Variants in TRIM71 observed in about 807,000 individuals in gnomAD.
The protein encoded by TRIM71 is E3 ubiquitin-protein ligase TRIM71.
TRIM71 carries 9 observed loss-of-function variants against 61.2 expected under a neutral mutation model. That is an observed-to-expected ratio of 0.15 (90% confidence interval 0.09 to 0.26). TRIM71 has a LOEUF of 0.26. TRIM71 is among the 10% of genes least tolerant of loss of function. The probability of loss-of-function intolerance (pLI) is 1.00; values close to 1 mark genes in which losing one functional copy is unlikely to be tolerated. For missense variants in TRIM71, 998 were observed against 1,238.7 expected (o/e 0.81, Z 2.92); for synonymous variants, 645 against 553.2 (o/e 1.17, Z -2.33).
intron 1 of TRIM71, among the ~76,000 whole-genome samples, chr3:32,863,195 CTTTTTTTTTTTTTTTTT>C (rs11348995): frequency 1.9e-5 from 1 of 53,716 alleles, no homozygotes; most frequent in South Asian, 1.2e-3. Flanking sequence ...TTAATTGAAC[CTTTTTTTTTTTTTTTTT>C]TTTTTTTTTG....
rs1406624949 is a variant in TRIM71, at chr3:32,818,784, A to G, written c.704A>G (p.Asp235Gly). ...RAHQRVRLTK[D>G]HYIERGPPGP... ...CACCAGCGCGTGCGCCTCACCAAGG[A>G]CCACTACATCGAGCGCGGCCCGCCG... Residue 235 changes from aspartate to glycine, a missense_variant, in exon 1 of 4, where the codon GAC becomes GGC. Asp to Gly is a moderately conservative substitution (Grantham distance 94). This residue lies in a region of TRIM71 where 527 missense variants were observed against 427.8 expected (regional missense o/e 1.23). Coordinates refer to ENST00000383763, the MANE Select transcript of TRIM71 (RefSeq NM_001039111.3). The G allele has an allele frequency of 6.2e-7, 1 of 1,608,234 alleles. No homozygotes were observed. Among genetic ancestry groups the G allele is most frequent in the Non-Finnish European group, 8.5e-7 (1 of 1,178,310 alleles).
chr3:32,891,805 C>T lies in TRIM71; in HGVS notation c.2601C>T (p.Val867=), dbSNP rs1481569526. The part of the protein sequence containing the change: ...VVDFGNNRIL[V]F ...ACTTTGGCAACAATCGAATCCTCGT[C>T]TTCTAATTGCATTTCCTAGGTTTCT... Residue 867 remains valine, a synonymous_variant, in exon 4 of 4, where the codon GTC becomes GTT. Transcript: ENST00000383763. This position sits in a 1 kb window ranked among gnomAD's most constrained non-coding sequence, Gnocchi z 8.2. 1.9e-6 allele frequency: 3 copies of T among 1,613,598 alleles called. No homozygotes were observed. In the Admixed American group the frequency reaches 5.0e-5, roughly 27 times the overall value.
At chr3:32,885,378 A>G (rs541698174) in intron 2 of TRIM71, among the ~76,000 whole-genome samples, 1 of 152,274 alleles carries the variant, frequency 6.6e-6, no homozygotes, top group South Asian at 2.1e-4. Flanking sequence ...ACCACGGGGC[A>G]CAGCTCCTTA....
chr3:32,819,482 T>A (rs1411742966), intron 1 of TRIM71, among the ~76,000 whole-genome samples: 3 of 152,168 alleles, frequency 2.0e-5, no homozygotes, highest in African/African-American at 7.2e-5. Context: ...AAGACTGGTT[T>A]TTTTGTTGTT....
At position 32,895,477 on chromosome 3, in the gene TRIM71, T is replaced by C. The variant is rs1436580987; in HGVS notation, c.*3666T>C. The C allele has an allele frequency of 6.6e-6, 1 of 152,234 alleles. No homozygotes were observed. The highest frequency in any genetic ancestry group is 2.4e-5 in the African/African-American group (1 of 41,470). The allele number at this position is 152,234 out of a possible 1,614,324, so 9.4% of individuals were successfully genotyped here. A position where few individuals can be genotyped will look rare whatever the true frequency, so the allele number is the denominator to read the frequency against. On this transcript the variant is annotated 3_prime_UTR_variant, in exon 4 of 4. Transcript: ENST00000383763. Reference sequence around the variant, plus strand: ...TTTTAGGCTTGAAGCAGCAAAATACTGTTTATATATGTGTTACCTTCCTCG... The same window carrying C: ...TTTTAGGCTTGAAGCAGCAAAATACCGTTTATATATGTGTTACCTTCCTCG...
At chr3:32,828,807 C>A (rs76808067) in intron 1 of TRIM71, among the ~76,000 whole-genome samples, 1 of 151,862 alleles carries the variant, frequency 6.6e-6, no homozygotes, top group African/African-American at 2.4e-5. Flanking sequence ...CCCCAATTTA[C>A]ATTTTATATG....
At chr3:32,819,041 GTTTGTATTTCC>G in intron 1 of TRIM71, 109 bp downstream of exon 1, 1 of 1,280,816 alleles carries the variant, frequency 7.8e-7, no homozygotes, top group Non-Finnish European at 1.1e-6. Context: ...TCCGGATTTG[GTTTGTATTTCC>G]TTTGGCTACG....
At position 32,833,785 on chromosome 3, in the gene TRIM71, T is replaced by G. The variant is rs112904357; in HGVS notation, c.852+14853T>G. 6.0e-3 allele frequency among the ~76,000 whole-genome samples: 916 copies of G among 151,656 alleles called. 19 individuals are homozygous for G. The highest frequency in any genetic ancestry group is 0.02 in the African/African-American group (847 of 41,454). ...ATGCCCTGTTTATAAGTGAAGACAT[T>G]TATGTAGAAATTTAAAGTGAAGGAA... On this transcript the variant is annotated intron_variant, in intron 1 of 3. Coordinates refer to ENST00000383763, the MANE Select transcript of TRIM71 (RefSeq NM_001039111.3).
chr3:32,882,755 T>G (rs990798771), intron 2 of TRIM71, among the ~76,000 whole-genome samples: 1 of 152,166 alleles, frequency 6.6e-6, no homozygotes, highest in South Asian at 2.1e-4. Flanking sequence ...TTGGCCAGGC[T>G]GATCTCAAAC....
intron 1 of TRIM71, among the ~76,000 whole-genome samples, chr3:32,833,947 C>G (rs1249210962): frequency 6.6e-6 from 1 of 152,126 alleles, no homozygotes; most frequent in Admixed American, 6.6e-5. Context: ...CAGGTTTTTA[C>G]TTCCTTTGTT....
At chr3:32,888,943 GCTCT>G (rs1465253321) in intron 3 of TRIM71, among the ~76,000 whole-genome samples, 2 of 152,178 alleles carry the variant, frequency 1.3e-5, no homozygotes. Context: ...TGCTGAGATA[GCTCT>G]CCCTATGGCC....
intron 1 of TRIM71, among the ~76,000 whole-genome samples, chr3:32,849,996 A>G (rs1482641172): frequency 2.0e-5 from 3 of 152,166 alleles, no homozygotes; most frequent in Admixed American, 2.0e-4. Context: ...CTTTCAAAGC[A>G]AGATAGTCAT....
At chr3:32,855,910 A>AT (rs1401439026) in intron 1 of TRIM71, among the ~76,000 whole-genome samples, 1 of 152,258 alleles carries the variant, frequency 6.6e-6, no homozygotes, top group Admixed American at 6.5e-5. Context: ...TACAGGCACC[A>AT]TCTGAGCAGA....
At position 32,868,516 on chromosome 3, in the gene TRIM71, A is replaced by G. The variant is rs117097170; in HGVS notation, c.853-5302A>G. Reference sequence around the variant, plus strand: ...TGGTACATTCATATAGCAACATACCATGCAGCCATTCGGAAAGCCAGGCAT... The same window carrying G: ...TGGTACATTCATATAGCAACATACCGTGCAGCCATTCGGAAAGCCAGGCAT... On this transcript the variant is annotated intron_variant, in intron 1 of 3. Coordinates refer to ENST00000383763, the MANE Select transcript of TRIM71 (RefSeq NM_001039111.3). Among the ~76,000 whole-genome samples the G allele has an allele frequency of 5.9e-4, 90 of 152,312 alleles. No homozygotes were observed. In the East Asian group the frequency reaches 0.013, roughly 22 times the overall value.
At chr3:32,834,473 T>C (rs1439720153) in intron 1 of TRIM71, among the ~76,000 whole-genome samples, 2 of 152,190 alleles carry the variant, frequency 1.3e-5, no homozygotes, top group Non-Finnish European at 2.9e-5. Flanking sequence ...AATGTTAACA[T>C]ACACAGGCAT....
intron 1 of TRIM71, among the ~76,000 whole-genome samples, chr3:32,841,582 C>T (rs752706397): frequency 1.3e-5 from 2 of 152,056 alleles, no homozygotes; most frequent in Admixed American, 6.6e-5. Flanking sequence ...TACTTCACTG[C>T]ACTCCAGCGT....
chr3:32,842,945 G>T (rs1335433964), intron 1 of TRIM71, among the ~76,000 whole-genome samples: 1 of 151,580 alleles, frequency 6.6e-6, no homozygotes, highest in Non-Finnish European at 1.5e-5. Flanking sequence ...GCAGGGCCAA[G>T]CCCCTATGAG....
chr3:32,854,548 ACTGGAAGGAAC>A (rs1404608192), intron 1 of TRIM71, among the ~76,000 whole-genome samples: 1 of 152,346 alleles, frequency 6.6e-6, no homozygotes, highest in East Asian at 1.9e-4. Context: ...TGTGTGCAGA[ACTGGAAGGAAC>A]CTTAGTTTGA....
intron 1 of TRIM71, among the ~76,000 whole-genome samples, chr3:32,836,214 A>G (rs930225508): frequency 6.6e-6 from 1 of 152,078 alleles, no homozygotes; most frequent in Non-Finnish European, 1.5e-5. Flanking sequence ...GCCTTCCACC[A>G]GCCGCATTTC....
Sources: allele counts gnomAD v4.1 joint callset (sites outside exome capture counted in the v4.1 genomes callset), GRCh38; gene constraint gnomAD v4.1.1; regional missense constraint gnomAD v4.1.1; non-coding constraint Gnocchi (gnomAD v3.1); transcripts MANE v1.5; gene names NCBI Gene and HGNC (gene_info 2026-07-23, HGNC 2026-07-21).